Variants in MTCH2 observed in about 807,000 individuals in gnomAD.
The protein encoded by MTCH2 is mitochondrial carrier homolog 2.
MTCH2 carries 25 observed loss-of-function variants against 50.6 expected under a neutral mutation model. The observed-to-expected ratio is 0.49, with a 90% confidence interval of 0.36 to 0.69. The LOEUF (loss-of-function observed/expected upper bound fraction) is 0.69. Ranked by LOEUF, MTCH2 falls within the 30% of genes least tolerant of loss-of-function variation. The probability of loss-of-function intolerance (pLI) is 0.00; values close to 1 mark genes in which losing one functional copy is unlikely to be tolerated. For synonymous variants in MTCH2, 106 were observed against 132.0 expected, an observed-to-expected ratio of 0.80 and a Z score of 1.35; for missense variants, 273 against 384.4, an observed-to-expected ratio of 0.71 and a Z score of 2.42.
intron 5 of MTCH2, among the ~76,000 whole-genome samples, chr11:47,634,065 C>T (rs1168251326): frequency 6.6e-6 from 1 of 151,976 alleles, no homozygotes; most frequent in Admixed American, 6.6e-5. Flanking sequence ...ATACAAAGGG[C>T]CTGGTCGCTA....
At chr11:47,641,623 G>T (rs1275007963) in intron 1 of MTCH2, among the ~76,000 whole-genome samples, 1 of 152,298 alleles carries the variant, frequency 6.6e-6, no homozygotes, top group Middle Eastern at 3.4e-3. Flanking sequence ...ACCTGCATGT[G>T]AATATAAAAT....
downstream of MTCH2, among the ~76,000 whole-genome samples, chr11:47,614,778 A>C (rs1275089135): frequency 6.6e-6 from 1 of 152,154 alleles, no homozygotes; most frequent in African/African-American, 2.4e-5. Flanking sequence ...GGGTTTCACC[A>C]TGTTAGCCAG....
downstream of MTCH2, among the ~76,000 whole-genome samples, chr11:47,616,707 A>T: frequency 7.4e-6 from 1 of 135,292 alleles, no homozygotes; most frequent in Non-Finnish European, 1.6e-5. Flanking sequence ...AAGAGATGGG[A>T]GTTTCACTCT....
intron 1 of MTCH2, among the ~76,000 whole-genome samples, chr11:47,641,803 C>G (rs2097314431): frequency 6.6e-6 from 1 of 152,118 alleles, no homozygotes; most frequent in Non-Finnish European, 1.5e-5. Context: ...TCTGACAGAG[C>G]AACCCCTTCA....
chr11:47,637,248 C>T (rs545527198), intron 3 of MTCH2, among the ~76,000 whole-genome samples: 1 of 152,242 alleles, frequency 6.6e-6, no homozygotes, highest in South Asian at 2.1e-4. Context: ...CCTCAGCCTC[C>T]CAAAGTGCTG....
chr11:47,638,686 AT>A lies in MTCH2; in HGVS notation c.279+12del. 1 of 1,598,428 alleles carries A rather than the reference AT, an allele frequency of 6.3e-7. No individual in the cohort carries two copies. Among genetic ancestry groups the A allele is most frequent in the Non-Finnish European group, 8.6e-7 (1 of 1,166,848 alleles). Reference sequence around the variant, plus strand: ...CAACATCTATGGGAAGATTGATTTAATTTTCCTCTTACCTGTAAAACTTTAC... The same window carrying A: ...CAACATCTATGGGAAGATTGATTTAATTTCCTCTTACCTGTAAAACTTTAC... On this transcript the variant is annotated intron_variant, in intron 3 of 12. Transcript: ENST00000302503.
At chr11:47,636,622 C>A (rs7935802) in intron 3 of MTCH2, among the ~76,000 whole-genome samples, 12,473 of 151,542 alleles carry the variant, frequency 0.082, 1,425 homozygotes, top group African/African-American at 0.26. Flanking sequence ...ATCCCAGCTA[C>A]GTGGGAAGCT....
At chr11:47,612,844 T>A (rs2097286339), downstream of MTCH2, among the ~76,000 whole-genome samples, 1 of 152,106 alleles carries the variant, frequency 6.6e-6, no homozygotes, top group Non-Finnish European at 1.5e-5. Context: ...CTTTCAAGTT[T>A]AAAGGGAAAA....
At chr11:47,625,247 C>A (rs1009873152) in intron 11 of MTCH2, among the ~76,000 whole-genome samples, 20 of 151,560 alleles carry the variant, frequency 1.3e-4, no homozygotes, top group African/African-American at 4.8e-4. Flanking sequence ...ATGGTGAAAC[C>A]CTGTCTCTAC....
downstream of MTCH2, among the ~76,000 whole-genome samples, chr11:47,614,143 T>C (rs896957308): frequency 3.3e-5 from 5 of 151,986 alleles, no homozygotes; most frequent in African/African-American, 4.8e-5. Context: ...TAGCATTTTA[T>C]AGCCTCCACG....
intron 6 of MTCH2, 106 bp from the exon 7 acceptor site, chr11:47,631,193 G>A (rs2097302703): frequency 1.2e-6 from 1 of 830,684 alleles, no homozygotes; most frequent in Non-Finnish European, 2.0e-6. Flanking sequence ...CGGATCACCT[G>A]AGGTCAGGAG....
chr11:47,633,334 T>C (rs1007362808), intron 5 of MTCH2, among the ~76,000 whole-genome samples: 4 of 134,644 alleles, frequency 3.0e-5, no homozygotes, highest in African/African-American at 1.1e-4. Context: ...GTGGTCTCAA[T>C]CTCCTGACTT....
intron 5 of MTCH2, 87 bp from the exon 6 acceptor site, chr11:47,631,798 T>C (rs780287754): frequency 2.8e-6 from 4 of 1,408,508 alleles, no homozygotes; most frequent in Non-Finnish European, 3.0e-6. Flanking sequence ...TATCGTGGTA[T>C]AGGATAAGAA....
chr11:47,631,542 C>A, intron 6 of MTCH2, 112 bp downstream of exon 6: 4 of 1,023,106 alleles, frequency 3.9e-6, no homozygotes, highest in Non-Finnish European at 5.8e-6. Context: ...AACAAGCAAG[C>A]AAACAAAAAC....
the MTCH2 span, among the ~76,000 whole-genome samples, chr11:47,611,665 C>G: frequency 1.3e-5 from 2 of 152,238 alleles, no homozygotes; most frequent in South Asian, 4.1e-4. Context: ...TCTCAGGAAG[C>G]TGCTGAGTCC....
chr11:47,608,062 T>TC, the MTCH2 span, among the ~76,000 whole-genome samples: 2 of 152,216 alleles, frequency 1.3e-5, no homozygotes, highest in African/African-American at 2.4e-5. Context: ...AATCTGGGCT[T>TC]TGCTATTTAC....
At chr11:47,608,241 T>C in the MTCH2 span, among the ~76,000 whole-genome samples, 33,000 of 152,128 alleles carry the variant, frequency 0.22, 4,270 homozygotes, top group African/African-American at 0.33. Flanking sequence ...GGAACATTTA[T>C]GTTATGTCAG....
chr11:47,619,984 G>A (rs1210292542), intron 12 of MTCH2, among the ~76,000 whole-genome samples: 1 of 152,158 alleles, frequency 6.6e-6, no homozygotes, highest in Non-Finnish European at 1.5e-5. Flanking sequence ...GGCTGAGGCA[G>A]GGGAATTGCT....
At chr11:47,616,238 CTTCTT>C (rs1474547318), downstream of MTCH2, among the ~76,000 whole-genome samples, 3 of 151,968 alleles carry the variant, frequency 2.0e-5, no homozygotes, top group Admixed American at 2.0e-4. Context: ...ACCCCACACT[CTTCTT>C]AAGTCAAGGT....
Sources: allele counts gnomAD v4.1 joint callset (sites outside exome capture counted in the v4.1 genomes callset), GRCh38; gene constraint gnomAD v4.1.1; transcripts MANE v1.5; gene names NCBI Gene and HGNC (gene_info 2026-07-23, HGNC 2026-07-21).